The following SFXN4 variants were observed in gnomAD, a reference collection of about 807,000 sequenced individuals.
The protein encoded by SFXN4 is sideroflexin-4.
Under a neutral mutation model 54.6 loss-of-function variants are expected in SFXN4, and 48 were observed. The ratio of observed to expected loss-of-function variants is 0.88; its 90% CI spans 0.70 to 1.12. The LOEUF is 1.12. Among genes scored for constraint, SFXN4 ranks in the 50% most tolerant of loss-of-function variants. SFXN4 has a pLI of 0.00. For missense variants in SFXN4, 383 were observed against 409.2 expected (o/e 0.94, Z 0.55); for synonymous variants, 130 against 145.5 (o/e 0.89, Z 0.77).
At chr10:119,152,429 G>A (rs1292978113) in intron 11 of SFXN4, among the ~76,000 whole-genome samples, 14 of 151,716 alleles carry the variant, frequency 9.2e-5, no homozygotes, top group East Asian at 3.9e-4. Flanking sequence ...ACAGGCACCC[G>A]CCACCATGCC....
intron 10 of SFXN4, among the ~76,000 whole-genome samples, chr10:119,155,846 T>G (rs1429933810): frequency 1.3e-5 from 2 of 152,154 alleles, no homozygotes; most frequent in African/African-American, 2.4e-5. Flanking sequence ...CTGACATCAG[T>G]CTGCCAACTC....
chr10:119,149,466 A>G (rs1320278421), intron 11 of SFXN4, among the ~76,000 whole-genome samples: 1 of 152,114 alleles, frequency 6.6e-6, no homozygotes, highest in African/African-American at 2.4e-5. Context: ...TAAGGTCTTA[A>G]GGGCCGGGCA....
chr10:119,144,006 C>A (rs1846672782), intron 13 of SFXN4, among the ~76,000 whole-genome samples: 1 of 152,170 alleles, frequency 6.6e-6, no homozygotes, highest in South Asian at 2.1e-4. Flanking sequence ...TCTGAAACTT[C>A]TACGTTGTGC....
chr10:119,154,991 C>T (rs924515821), intron 11 of SFXN4, 71 bp downstream of exon 11: 3 of 1,026,572 alleles, frequency 2.9e-6, no homozygotes, highest in South Asian at 1.3e-5. Context: ...GAATTTGTCA[C>T]CGGCTTTCAA....
At chr10:119,162,570 G>A (rs1847597430) in intron 2 of SFXN4, among the ~76,000 whole-genome samples, 156 bp from the exon 3 acceptor site, 1 of 152,114 alleles carries the variant, frequency 6.6e-6, no homozygotes, top group Non-Finnish European at 1.5e-5. Flanking sequence ...CTATCCATTA[G>A]GATAGCCCTG....
chr10:119,155,970 T>C (rs1438649158), intron 10 of SFXN4, among the ~76,000 whole-genome samples: 1 of 152,168 alleles, frequency 6.6e-6, no homozygotes, highest in Non-Finnish European at 1.5e-5. Flanking sequence ...GGTTGGAATC[T>C]CTATACTAAC....
chr10:119,164,294 GC>G, intron 1 of SFXN4, 98 bp from the exon 2 acceptor site: 1 of 639,670 alleles, frequency 1.6e-6, no homozygotes, highest in Non-Finnish European at 2.6e-6. Context: ...CTGAGAACCT[GC>G]CAGGGTCTGT....
Position 119,158,004 on chromosome 10 carries a change from GCTAC to G in SFXN4, c.414+1_414+4del. ...TAGTAATCGTGAAACAGGAAGAATG[GCTAC>G]CTGAGGTAAAATCACGGACTTGATC... is the stretch of plus-strand genomic sequence containing the variant. On this transcript the variant is annotated splice_donor_variant and splice_donor_region_variant and intron_variant, in intron 7 of 13. Transcript: ENST00000355697. LOFTEE classifies it high-confidence loss of function. 5 of 1,614,038 alleles carry G rather than the reference GCTAC, an allele frequency of 3.1e-6. No homozygotes were observed. The highest frequency in any genetic ancestry group is 3.4e-6 in the Non-Finnish European group (4 of 1,179,872).
At chr10:119,158,117 G>A (rs754229272) in intron 6 of SFXN4, 55 bp from the exon 7 acceptor site, 16 of 1,538,256 alleles carry the variant, frequency 1.0e-5, no homozygotes, top group Non-Finnish European at 3.6e-6. Flanking sequence ...AGGAGAACTT[G>A]CAGTAGCAAA....
chr10:119,165,302 T>G, intron 1 of SFXN4: 1 of 1,243,586 alleles, frequency 8.0e-7, no homozygotes, highest in South Asian at 2.1e-5. Context: ...GAGAGGGCAA[T>G]CTGGAGGGTG....
In SFXN4 at chr10:119,148,335, G is replaced by A. The variant is rs150264961; in HGVS notation, c.733-475C>T. Among the ~76,000 whole-genome samples, 601 of 152,210 alleles carry A rather than the reference G, an allele frequency of 3.9e-3. 2 individuals carry two copies. The highest frequency in any genetic ancestry group is 6.5e-3 in the Non-Finnish European group (442 of 68,016). ...AACTTTCCATGTACAGGTGTGTGGC[G>A]GTCGGCTGCACTTTGTGCCAGAAAT... On this transcript the variant is annotated intron_variant, in intron 11 of 13. Transcript: ENST00000355697.
chr10:119,145,551 G>C (rs1846753933), intron 13 of SFXN4, among the ~76,000 whole-genome samples: 1 of 151,942 alleles, frequency 6.6e-6, no homozygotes, highest in Admixed American at 6.6e-5. Flanking sequence ...TTATCTGCCC[G>C]CCTCAGCGTC....
chr10:119,146,152 A>G lies in SFXN4; in HGVS notation c.936+84T>C, dbSNP rs559038003. ...TATTTTATATTTTTATAAACTTTGC[A>G]GAGTTTTAAGAAGAATAACTTATTT... On this transcript the variant is annotated intron_variant, in intron 13 of 13. Coordinates refer to ENST00000355697, the MANE Select transcript of SFXN4 (RefSeq NM_213649.2). The G allele has an allele frequency of 4.7e-5, 37 of 789,236 alleles. No homozygotes were observed. The South Asian group carries it at 5.9e-4, about 12-fold the overall frequency. 48.9% of individuals were successfully genotyped at this position (789,236 alleles called of 1,614,324 possible).
intron 9 of SFXN4, among the ~76,000 whole-genome samples, chr10:119,157,069 T>G (rs1847305498): frequency 6.6e-6 from 1 of 152,168 alleles, no homozygotes; most frequent in African/African-American, 2.4e-5. Flanking sequence ...TGTCTTGACA[T>G]CCAAAGCAAT....
chr10:119,148,233 A>G (rs1047335200), intron 11 of SFXN4, among the ~76,000 whole-genome samples: 2 of 152,040 alleles, frequency 1.3e-5, no homozygotes, highest in African/African-American at 2.4e-5. Context: ...CCTGCGAGAG[A>G]CAGGCAACAG....
intron 2 of SFXN4, 130 bp downstream of exon 2, chr10:119,164,001 C>T: frequency 4.7e-6 from 3 of 636,198 alleles, no homozygotes; most frequent in Non-Finnish European, 8.1e-6. Flanking sequence ...GATGGTGCCA[C>T]TGCACTCCAT....
At chr10:119,154,730 G>C (rs1408700987) in intron 11 of SFXN4, among the ~76,000 whole-genome samples, 2 of 152,204 alleles carry the variant, frequency 1.3e-5, no homozygotes, top group African/African-American at 4.8e-5. Flanking sequence ...TACTTGAGAG[G>C]CTGAGGTGGG....
intron 10 of SFXN4, among the ~76,000 whole-genome samples, 172 bp from the exon 11 acceptor site, chr10:119,155,349 G>A (rs1163277818): frequency 6.6e-6 from 1 of 152,176 alleles, no homozygotes; most frequent in Admixed American, 6.5e-5. Flanking sequence ...GCTCTCCTGG[G>A]GCTGTGGAAG....
intron 13 of SFXN4, among the ~76,000 whole-genome samples, chr10:119,144,975 C>T (rs1846725670): frequency 6.6e-6 from 1 of 151,964 alleles, no homozygotes; most frequent in Non-Finnish European, 1.5e-5. Context: ...TAAAATTTCT[C>T]TAAGTAATTT....
Sources: allele counts gnomAD v4.1 joint callset (sites outside exome capture counted in the v4.1 genomes callset), GRCh38; gene constraint gnomAD v4.1.1; transcripts MANE v1.5; gene names NCBI Gene and HGNC (gene_info 2026-07-23, HGNC 2026-07-21).